PSKH1: variants seen among roughly 807,000 people sequenced by gnomAD.
PSKH1 encodes serine/threonine-protein kinase H1.
A neutral mutation model predicts 26.7 loss-of-function variants in PSKH1; 12 were observed. The observed-to-expected ratio is 0.45, with a 90% CI of 0.29 to 0.73. The LOEUF (loss-of-function observed/expected upper bound fraction) is 0.73. Among genes scored for constraint, PSKH1 ranks in the 30% least tolerant of loss-of-function variants. The pLI, the probability that PSKH1 is intolerant of heterozygous loss-of-function variation, is 0.11. For synonymous variants in PSKH1, 213 were observed against 234.3 expected, an observed-to-expected ratio of 0.91 and a Z score of 0.83; for missense variants, 431 against 595.2, an observed-to-expected ratio of 0.72 and a Z score of 2.87.
chr16:67,913,517 A>C (rs919422778), intron 2 of PSKH1, among the ~76,000 whole-genome samples: 8 of 152,072 alleles, frequency 5.3e-5, no homozygotes, highest in Non-Finnish European at 8.8e-5. Flanking sequence ...AGAGCTATAA[A>C]AGCATGCCAG....
intron 1 of PSKH1, among the ~76,000 whole-genome samples, chr16:67,896,290 G>A (rs2058126233): frequency 6.6e-6 from 1 of 151,764 alleles, no homozygotes; most frequent in Non-Finnish European, 1.5e-5. Flanking sequence ...TGTATTTTTA[G>A]TAGAGACGAG....
intron 1 of PSKH1, among the ~76,000 whole-genome samples, chr16:67,897,495 A>C (rs2058129666): frequency 6.6e-6 from 1 of 152,110 alleles, no homozygotes; most frequent in African/African-American, 2.4e-5. Context: ...AGGGCATCCT[A>C]AGAGTCATGT....
intron 2 of PSKH1, among the ~76,000 whole-genome samples, chr16:67,918,592 CTTTT>C (rs1238011875): frequency 7.4e-6 from 1 of 134,296 alleles, no homozygotes; most frequent in Middle Eastern, 3.5e-3. Flanking sequence ...ACCTGTAGTT[CTTTT>C]TTTTTTTTTT....
At chr16:67,913,439 C>T (rs2151313199) in intron 2 of PSKH1, among the ~76,000 whole-genome samples, 1 of 152,210 alleles carries the variant, frequency 6.6e-6, no homozygotes, top group South Asian at 2.1e-4. Context: ...TGAGCCACCA[C>T]ACCTGGCCAA....
chr16:67,922,332 G>C (rs1346009720), intron 2 of PSKH1, among the ~76,000 whole-genome samples: 1 of 152,162 alleles, frequency 6.6e-6, no homozygotes, highest in Non-Finnish European at 1.5e-5. Flanking sequence ...CTCTCATTCA[G>C]GCCCACGTAA....
chr16:67,926,295 C>A (rs751623508), intron 2 of PSKH1, among the ~76,000 whole-genome samples: 3 of 152,244 alleles, frequency 2.0e-5, no homozygotes, highest in Non-Finnish European at 2.9e-5. Context: ...CATCCGGCAG[C>A]ACCGTGGGTT....
chr16:67,927,765 C>A lies in PSKH1; in HGVS notation c.*123C>A. ...CCCACAGTAGGTGAAGAATGTCTGG[C>A]TCCAGCCCTTTCTCTGTGCCTTCAG... On this transcript the variant is annotated 3_prime_UTR_variant, in exon 3 of 3. Transcript: ENST00000291041. This position sits in a 1 kb window ranked among gnomAD's most constrained non-coding sequence, Gnocchi z 5.5. 1 of 1,189,524 alleles carries A rather than the reference C, an allele frequency of 8.4e-7. No individual in the cohort carries two copies. Among genetic ancestry groups the A allele is most frequent in the Non-Finnish European group, 1.2e-6 (1 of 866,422 alleles). 73.7% of individuals were successfully genotyped at this position (1,189,524 alleles called of 1,614,324 possible).
intron 2 of PSKH1, among the ~76,000 whole-genome samples, chr16:67,914,934 C>T (rs1449433444): frequency 1.3e-5 from 2 of 152,156 alleles, no homozygotes; most frequent in Admixed American, 6.5e-5. Flanking sequence ...GACTCTGCTA[C>T]AAGCCTGTAG....
At chr16:67,895,707 A>C (rs2058124566) in intron 1 of PSKH1, among the ~76,000 whole-genome samples, 1 of 152,106 alleles carries the variant, frequency 6.6e-6, no homozygotes, top group Non-Finnish European at 1.5e-5. Context: ...ATGTCTGGCC[A>C]GGTATCTGTA....
Position 67,908,881 on chromosome 16 carries a change from T to G in PSKH1, c.132T>G (p.Ser44Arg). The part of the protein sequence containing the change: ...VYKHFITEVD[S>R]VGPVKAGFPA... ...AGCACTTCATCACAGAGGTGGACAGTGTTGGCCCTGTCAAAGCCGGGTTCC... is the reference window on the plus strand; with the variant it reads ...AGCACTTCATCACAGAGGTGGACAGGGTTGGCCCTGTCAAAGCCGGGTTCC... The change falls in exon 2 of 3, where the codon AGT becomes AGG. Residue 44 changes from serine (S) to arginine (R), a missense_variant. Coordinates refer to ENST00000291041, the MANE Select transcript of PSKH1 (RefSeq NM_006742.3). 6.2e-7 allele frequency: 1 copy of G among 1,614,114 alleles called. No homozygotes were observed. The highest frequency in any genetic ancestry group is 8.5e-7 in the Non-Finnish European group (1 of 1,180,020).
chr16:67,929,107 C>G lies in PSKH1; in HGVS notation c.*1465C>G, dbSNP rs911395861. 1 of 152,724 alleles carries G rather than the reference C, an allele frequency of 6.5e-6. No homozygotes were observed. The highest frequency in any genetic ancestry group is 1.5e-5 in the Non-Finnish European group (1 of 68,082). The allele number at this position is 152,724 out of a possible 1,614,324, so 9.5% of individuals were successfully genotyped here. A position where few individuals can be genotyped will look rare whatever the true frequency, so the allele number is the denominator to read the frequency against. ...TCTTTTGTGGTATCTCCCCCTACCA[C>G]AAACCAGGCTGGAACCCAAGCCCCT... is the stretch of plus-strand genomic sequence containing the variant. On this transcript the variant is annotated 3_prime_UTR_variant, in exon 3 of 3. Transcript: ENST00000291041.
intron 2 of PSKH1, chr16:67,910,110 T>G (rs188433800): frequency 1.1e-4 from 43 of 385,026 alleles, no homozygotes; most frequent in East Asian, 7.8e-4. Flanking sequence ...GTTTTGTTTT[T>G]TTTTTAATCC....
chr16:67,905,079 G>C (rs1050505616), intron 1 of PSKH1, among the ~76,000 whole-genome samples: 5 of 151,936 alleles, frequency 3.3e-5, no homozygotes, highest in Admixed American at 3.3e-4. Flanking sequence ...ACCCGCCTCG[G>C]CCTCCCAAAG....
rs553714966 is a variant in PSKH1 at position 67,925,085 on chromosome 16, G to A, written c.958-2240G>A. Among the ~76,000 whole-genome samples the A allele has an allele frequency of 3.3e-4, 50 of 151,814 alleles. No homozygotes were observed. In the Middle Eastern group the frequency reaches 0.017, roughly 52 times the overall value. Reference sequence around the variant, plus strand: ...CTCCCAGAGTGTTGGGATTATAGGCGGAAGCCACTGCTCCTGGCTTTTGGG... The same window carrying A: ...CTCCCAGAGTGTTGGGATTATAGGCAGAAGCCACTGCTCCTGGCTTTTGGG... On this transcript the variant is annotated intron_variant, in intron 2 of 2. Coordinates refer to ENST00000291041, the MANE Select transcript of PSKH1 (RefSeq NM_006742.3).
At chr16:67,923,103 C>G (rs931307352) in intron 2 of PSKH1, among the ~76,000 whole-genome samples, 1 of 152,212 alleles carries the variant, frequency 6.6e-6, no homozygotes, top group South Asian at 2.1e-4. Context: ...AAAGCCCTTC[C>G]TGCTGTGCTG....
intron 1 of PSKH1, among the ~76,000 whole-genome samples, chr16:67,908,140 G>A (rs1256254292): frequency 6.6e-6 from 1 of 152,214 alleles, no homozygotes; most frequent in Non-Finnish European, 1.5e-5. Flanking sequence ...ATGAGACTGA[G>A]GCCCAGGGAG....
At position 67,909,689 on chromosome 16, in the gene PSKH1, T is replaced by C. The variant is rs775728687; in HGVS notation, c.940T>C (p.Tyr314His). The change falls in exon 2 of 3, where the codon TAC becomes CAC. Residue 314 changes from tyrosine to histidine, a missense_variant. By Grantham distance (83) the Tyr-to-His change is moderately conservative. Coordinates refer to ENST00000291041, the MANE Select transcript of PSKH1 (RefSeq NM_006742.3). This position sits in a 1 kb window ranked among gnomAD's most constrained non-coding sequence, Gnocchi z 7.8. ...RLYRQILRGK[Y>H]SYSGEPWPSV... ...GTACCGGCAGATCCTCAGGGGCAAGTACAGTTACTCTGGGGAGGTGAGTCT... is the reference window on the plus strand; with the variant it reads ...GTACCGGCAGATCCTCAGGGGCAAGCACAGTTACTCTGGGGAGGTGAGTCT... The C allele has an allele frequency of 1.9e-6, 3 of 1,611,982 alleles. No homozygotes were observed. Among genetic ancestry groups the C allele is most frequent in the Non-Finnish European group, 2.5e-6 (3 of 1,179,844 alleles).
chr16:67,910,785 G>A (rs530736193), intron 2 of PSKH1, among the ~76,000 whole-genome samples: 4 of 152,272 alleles, frequency 2.6e-5, no homozygotes, highest in Non-Finnish European at 5.9e-5. Flanking sequence ...TTACAGGCGT[G>A]AGCCACTGCA....
chr16:67,898,319 C>T (rs1000422004), intron 1 of PSKH1, among the ~76,000 whole-genome samples: 17 of 152,058 alleles, frequency 1.1e-4, no homozygotes, highest in African/African-American at 1.4e-4. Flanking sequence ...GCACGAGAAC[C>T]GCTTGAACCT....
Sources: allele counts gnomAD v4.1 joint callset (sites outside exome capture counted in the v4.1 genomes callset), GRCh38; gene constraint gnomAD v4.1.1; non-coding constraint Gnocchi (gnomAD v3.1); transcripts MANE v1.5; gene names NCBI Gene and HGNC (gene_info 2026-07-23, HGNC 2026-07-21).